The following TTC27 variants were observed in gnomAD, a reference collection of about 807,000 sequenced individuals.
TTC27 encodes the protein tetratricopeptide repeat domain 27.
TTC27 carries 79 observed loss-of-function variants against 115.9 expected under a neutral mutation model. That is an observed-to-expected ratio of 0.68 (90% CI 0.57 to 0.82). TTC27 has a LOEUF of 0.82. TTC27 is among the 40% of genes least tolerant of loss of function. The probability of loss-of-function intolerance (pLI) is 0.00; values close to 1 mark genes in which losing one functional copy is unlikely to be tolerated. For synonymous variants in TTC27, 401 were observed against 356.0 expected (o/e 1.13, Z -1.42); for missense variants, 1,054 against 993.1 (o/e 1.06, Z -0.82).
intron 11 of TTC27, 111 bp from the exon 12 acceptor site, chr2:32,736,583 T>C: frequency 8.8e-7 from 1 of 1,139,590 alleles, no homozygotes; most frequent in South Asian, 1.5e-5. Context: ...AATTTATACA[T>C]TTATTACAAT....
At chr2:32,631,137 A>G (rs1234349414) in intron 2 of TTC27, among the ~76,000 whole-genome samples, 1 of 152,026 alleles carries the variant, frequency 6.6e-6, no homozygotes, top group African/African-American at 2.4e-5. Context: ...AACCCCGTCT[A>G]TACAAAAATA....
chr2:32,753,358 A>T (rs955603216), intron 12 of TTC27, among the ~76,000 whole-genome samples: 1 of 151,468 alleles, frequency 6.6e-6, no homozygotes, highest in African/African-American at 2.4e-5. Flanking sequence ...ATATAAAATG[A>T]TATATAACTG....
At chr2:32,680,892 C>T (rs1047618105) in intron 9 of TTC27, among the ~76,000 whole-genome samples, 10 of 152,136 alleles carry the variant, frequency 6.6e-5, no homozygotes, top group African/African-American at 2.4e-4. Flanking sequence ...CGGGGGTTCC[C>T]TTTCTTTAAA....
At chr2:32,810,176 A>G (rs1475622174) in intron 16 of TTC27, among the ~76,000 whole-genome samples, 10 of 151,950 alleles carry the variant, frequency 6.6e-5, no homozygotes, top group Non-Finnish European at 2.9e-5. Flanking sequence ...GATACTTGCT[A>G]GATACTTCGC....
At chr2:32,718,854 G>C (rs1425525764) in intron 10 of TTC27, among the ~76,000 whole-genome samples, 1 of 152,176 alleles carries the variant, frequency 6.6e-6, no homozygotes. Context: ...GGGCACTCTT[G>C]CTGTTATAAC....
intron 10 of TTC27, among the ~76,000 whole-genome samples, chr2:32,722,164 A>G (rs79933249): frequency 0.012 from 1,893 of 152,342 alleles, 21 homozygotes; most frequent in Middle Eastern, 0.048. Context: ...ACATTGAGAT[A>G]ATTACAGTGC....
At chr2:32,764,903 A>G (rs76808488) in intron 13 of TTC27, among the ~76,000 whole-genome samples, 1,777 of 152,330 alleles carry the variant, frequency 0.012, 20 homozygotes, top group African/African-American at 0.028. Context: ...TGGCAATTCA[A>G]CCACATCTTC....
intron 12 of TTC27, among the ~76,000 whole-genome samples, chr2:32,750,004 T>G (rs1668955761): frequency 6.6e-6 from 1 of 152,188 alleles, no homozygotes; most frequent in African/African-American, 2.4e-5. Flanking sequence ...AGGAGTTGAA[T>G]CTTAACACAA....
intron 9 of TTC27, among the ~76,000 whole-genome samples, chr2:32,686,404 T>G (rs1666628838): frequency 6.6e-6 from 1 of 152,134 alleles, no homozygotes; most frequent in Non-Finnish European, 1.5e-5. Context: ...CTTACTCTGT[T>G]ACCCAGGCTG....
At chr2:32,740,922 TG>T (rs1446627544) in intron 12 of TTC27, among the ~76,000 whole-genome samples, 3 of 152,186 alleles carry the variant, frequency 2.0e-5, no homozygotes, top group African/African-American at 7.2e-5. Context: ...CCCAAAGTGC[TG>T]GGATTACAGG....
intron 9 of TTC27, among the ~76,000 whole-genome samples, chr2:32,683,961 C>A (rs909902723): frequency 6.6e-6 from 1 of 151,996 alleles, no homozygotes; most frequent in Non-Finnish European, 1.5e-5. Context: ...TGTGACCCGC[C>A]TGGCCAACAT....
At chr2:32,704,959 C>G (rs527415095) in intron 10 of TTC27, 1 of 469,516 alleles carries the variant, frequency 2.1e-6, no homozygotes, top group East Asian at 6.9e-5. Context: ...AGTTACTCTA[C>G]TCTTTTCCCA....
chr2:32,646,098 G>C (rs1286764725), intron 4 of TTC27, among the ~76,000 whole-genome samples: 2 of 148,998 alleles, frequency 1.3e-5, no homozygotes, highest in Non-Finnish European at 3.0e-5. Context: ...GTGCAATCTT[G>C]GCTCCCTGCA....
chr2:32,693,119 AG>A (rs1480186240), intron 9 of TTC27, among the ~76,000 whole-genome samples: 1 of 152,234 alleles, frequency 6.6e-6, no homozygotes, highest in African/African-American at 2.4e-5. Context: ...ACAATCCTTA[AG>A]AAAGTCCCAG....
chr2:32,650,221 T>TAC lies in TTC27; in HGVS notation c.628_629insAC (p.Cys210TyrfsTer6). 2 of 1,613,656 alleles carry TAC rather than the reference T, an allele frequency of 1.2e-6. No individual in the cohort carries two copies. The highest frequency in any genetic ancestry group is 1.7e-6 in the Non-Finnish European group (2 of 1,179,760). On this transcript the variant is annotated frameshift_variant, in exon 5 of 20. Transcript: ENST00000317907. LOFTEE classifies it high-confidence loss of function. ...TCTGCTTTTTACTCTTGCCGAAAAC[T>TAC]GTATTGATCAAGGTATGTAGCAGAT... is the stretch of plus-strand genomic sequence containing the variant.
chr2:32,763,002 T>A (rs1442767736), intron 13 of TTC27, among the ~76,000 whole-genome samples: 4 of 152,216 alleles, frequency 2.6e-5, no homozygotes, highest in Non-Finnish European at 5.9e-5. Context: ...AAGGAAGGGA[T>A]GAAGTGAGGG....
intron 10 of TTC27, among the ~76,000 whole-genome samples, chr2:32,722,638 A>G (rs1029063694): frequency 2.0e-5 from 3 of 152,252 alleles, no homozygotes; most frequent in African/African-American, 7.2e-5. Flanking sequence ...TTTCTAAGGA[A>G]GCTATGAGAA....
rs556835178 is a variant in TTC27, at chr2:32,751,301, C to T, written c.1453-6991C>T. On this transcript the variant is annotated intron_variant, in intron 12 of 19. Transcript: ENST00000317907. Reference sequence around the variant, plus strand: ...ACACACACACACACACACACACACACATGCACACACATATACACAAGTTTT... The same window carrying T: ...ACACACACACACACACACACACACATATGCACACACATATACACAAGTTTT... Among the ~76,000 whole-genome samples, 51 of 145,132 alleles carry T rather than the reference C, an allele frequency of 3.5e-4. 1 individual carries two copies. In the South Asian group the frequency reaches 5.7e-3, roughly 16 times the overall value.
chr2:32,773,675 G>C (rs151337114), intron 13 of TTC27, among the ~76,000 whole-genome samples: 197 of 152,318 alleles, frequency 1.3e-3, no homozygotes, highest in African/African-American at 4.5e-3. Flanking sequence ...TGTGAGGAAC[G>C]CATGAGTAAT....
Sources: allele counts gnomAD v4.1 joint callset (sites outside exome capture counted in the v4.1 genomes callset), GRCh38; gene constraint gnomAD v4.1.1; transcripts MANE v1.5; gene names NCBI Gene and HGNC (gene_info 2026-07-23, HGNC 2026-07-21).